Variants in PSMD6 observed in about 807,000 individuals in gnomAD.
PSMD6 encodes 26S proteasome non-ATPase regulatory subunit 6.
PSMD6 carries 7 observed loss-of-function variants against 44.9 expected under a neutral mutation model. That is an observed-to-expected ratio of 0.16 (90% CI 0.09 to 0.29). The LOEUF (loss-of-function observed/expected upper bound fraction) is 0.29, where lower values mean the gene tolerates loss of function less well. PSMD6 is among the 10% of genes least tolerant of loss of function. The probability of loss-of-function intolerance (pLI) is 1.00; values close to 1 mark genes in which losing one functional copy is unlikely to be tolerated. For missense variants in PSMD6, 420 were observed against 482.6 expected, an observed-to-expected ratio of 0.87 and a Z score of 1.21; for synonymous variants, 184 against 172.7, an observed-to-expected ratio of 1.07 and a Z score of -0.51.
upstream of PSMD6, chr3:64,023,495 G>T (rs970485561): frequency 2.0e-6 from 3 of 1,473,546 alleles, no homozygotes; most frequent in African/African-American, 2.9e-5. Context: ...GGGAGGAGTC[G>T]GCGAATACGC....
rs1295121638 is a variant in PSMD6, at chr3:64,018,618, A to G, written c.807T>C (p.Ser269=). 1.3e-6 allele frequency: 2 copies of G among 1,575,356 alleles called. No homozygotes were observed. The highest frequency in any genetic ancestry group is 1.7e-5 in the Admixed American group (1 of 59,832). ...YLFSLYECRY[S]VFFQSLAVVE... ...CCTTACCTAATGATTGGAAGAAAACAGAGTAACGGCATTCATAGAGTGAAA... is the reference window on the plus strand; with the variant it reads ...CCTTACCTAATGATTGGAAGAAAACGGAGTAACGGCATTCATAGAGTGAAA... Residue 269 remains serine (S), a synonymous_variant, in exon 5 of 8, where the codon TCT becomes TCC. Transcript: ENST00000295901.
At chr3:64,018,473 T>C (rs878874070) in intron 5 of PSMD6, 126 bp downstream of exon 5, 1 of 695,034 alleles carries the variant, frequency 1.4e-6, no homozygotes, top group Non-Finnish European at 2.4e-6. Flanking sequence ...GGAATACTGA[T>C]CAAAGACATG....
At chr3:64,013,341 T>G in intron 6 of PSMD6, 98 bp downstream of exon 6, 1 of 1,247,366 alleles carries the variant, frequency 8.0e-7, no homozygotes, top group Non-Finnish European at 1.1e-6. Context: ...CCGTTAAGAT[T>G]GAGGGAACCA....
In PSMD6 at chr3:64,019,343, A is replaced by T; in HGVS notation, c.450T>A (p.Phe150Leu). The change falls in exon 3 of 8, where the codon TTT (phenylalanine) becomes TTA (leucine). Residue 150 changes from phenylalanine to leucine, a missense_variant. Phe to Leu is a conservative substitution (Grantham distance 22). Transcript: ENST00000295901. ...GTGTGATGAGATCATTATCCATATA[A>T]AATAAGCCAATCCTAAGGAGATAGA... The part of the protein sequence containing the change: ...IVFYLLRIGL[F>L]YMDNDLITRN... 1 of 1,597,712 alleles carries T rather than the reference A, an allele frequency of 6.3e-7. No homozygotes were observed. Among genetic ancestry groups the T allele is most frequent in the South Asian group, 1.1e-5 (1 of 90,760 alleles).
intron 2 of PSMD6, among the ~76,000 whole-genome samples, chr3:64,020,117 A>G (rs2076106716): frequency 6.6e-6 from 1 of 152,218 alleles, no homozygotes; most frequent in African/African-American, 2.4e-5. Flanking sequence ...TAGAGTGAAA[A>G]TAACAGGTGA....
At chr3:64,012,517 A>G (rs778077000) in intron 6 of PSMD6, 1 of 152,216 alleles carries the variant, frequency 6.6e-6, no homozygotes, top group Non-Finnish European at 1.5e-5. Context: ...CTTGGGCTCT[A>G]AATCTTCCAA....
chr3:64,015,036 T>C (rs1314336230), intron 5 of PSMD6: 1 of 152,074 alleles, frequency 6.6e-6, no homozygotes, highest in Non-Finnish European at 1.5e-5. Flanking sequence ...TCAAGGCAGA[T>C]AAAGATAAGC....
At chr3:64,021,166 A>G (rs1284680320) in intron 2 of PSMD6, among the ~76,000 whole-genome samples, 1 of 152,226 alleles carries the variant, frequency 6.6e-6, no homozygotes, top group East Asian at 1.9e-4. Context: ...AGACATACAT[A>G]AGCATATTTT....
chr3:64,016,620 C>G (rs2076048243), intron 5 of PSMD6: 2 of 152,104 alleles, frequency 1.3e-5, no homozygotes, highest in African/African-American at 4.8e-5. Flanking sequence ...AGAAACAAAT[C>G]AAAATTACAA....
In PSMD6 at chr3:64,010,700, C is replaced by T. The variant is rs748663278; in HGVS notation, c.1138G>A (p.Val380Ile). The change falls in exon 8 of 8, where the codon GTT becomes ATT. Residue 380 changes from valine to isoleucine, a missense_variant. By Grantham distance (29) the Val-to-Ile change is conservative. Around this residue, in one of 4 missense-constraint regions of PSMD6, gnomAD observed 63 missense variants for 112.1 expected, o/e 0.56. Transcript: ENST00000295901. ...IKKGDLLLNR[V>I]QKLSRVINM ...TTAATTACTCTGGAAAGTTTTTGAA[C>T]TCTGTTTAGTAGCAGATCTCCTTTC... The T allele has an allele frequency of 1.4e-5, 22 of 1,608,754 alleles. No individual in the cohort carries two copies. Among genetic ancestry groups the T allele is most frequent in the Non-Finnish European group, 1.8e-5 (21 of 1,175,930 alleles).
intron 5 of PSMD6, chr3:64,016,210 T>TA (rs1232269172): frequency 3.3e-5 from 5 of 151,658 alleles, no homozygotes; most frequent in Non-Finnish European, 7.4e-5. Context: ...AATAAATAAA[T>TA]AAAAGGTCTA....
intron 6 of PSMD6, 54 bp downstream of exon 6, chr3:64,013,385 T>C (rs1324134750): frequency 1.4e-6 from 2 of 1,454,678 alleles, no homozygotes; most frequent in Non-Finnish European, 9.2e-7. Flanking sequence ...CAAGTTCACA[T>C]ATTTTAAAAG....
At chr3:64,020,800 T>C (rs2076116775) in intron 2 of PSMD6, among the ~76,000 whole-genome samples, 1 of 152,214 alleles carries the variant, frequency 6.6e-6, no homozygotes, top group Non-Finnish European at 1.5e-5. Flanking sequence ...TAAATCATAA[T>C]TACCGAGGTT....
intron 7 of PSMD6, 40 bp from the exon 8 acceptor site, chr3:64,010,804 C>CA: frequency 6.3e-7 from 1 of 1,575,516 alleles, no homozygotes; most frequent in Non-Finnish European, 8.7e-7. Flanking sequence ...ATTTACCAGT[C>CA]ACATTATTCC....
At chr3:64,011,174 G>A (rs777268148) in intron 6 of PSMD6, 10 of 407,208 alleles carry the variant, frequency 2.5e-5, no homozygotes, top group Non-Finnish European at 3.5e-5. Context: ...TATTCAGATA[G>A]ATAGAAAGTA....
At chr3:64,017,796 A>T (rs1460078593) in intron 5 of PSMD6, 1 of 152,246 alleles carries the variant, frequency 6.6e-6, no homozygotes, top group East Asian at 1.9e-4. Flanking sequence ...TTTTCTCCAA[A>T]GCTATCTATT....
chr3:64,017,935 A>T (rs2076072928), intron 5 of PSMD6, among the ~76,000 whole-genome samples: 1 of 152,230 alleles, frequency 6.6e-6, no homozygotes, highest in Admixed American at 6.5e-5. Context: ...GTTTGTGGTC[A>T]TTATTAGGAA....
rs1230397875 is a variant in PSMD6 at position 64,022,540 on chromosome 3, G to A, written c.146-17C>T. Reference sequence around the variant, plus strand: ...GAGCCATGTCTAACATGCAAAAAGAGGGATGTGTGAGTGGGGACACTTGTG... The same window carrying A: ...GAGCCATGTCTAACATGCAAAAAGAAGGATGTGTGAGTGGGGACACTTGTG... On this transcript the variant is annotated splice_polypyrimidine_tract_variant and intron_variant, in intron 1 of 7. Coordinates refer to ENST00000295901, the MANE Select transcript of PSMD6 (RefSeq NM_014814.3). 3 of 1,612,904 alleles carry A rather than the reference G, an allele frequency of 1.9e-6. No homozygotes were observed. The highest frequency in any genetic ancestry group is 2.2e-5 in the East Asian group (1 of 44,870).
intron 3 of PSMD6, 44 bp downstream of exon 3, chr3:64,019,252 G>T: frequency 6.5e-7 from 1 of 1,528,976 alleles, no homozygotes; most frequent in Non-Finnish European, 9.0e-7. Context: ...CTCATTTGTA[G>T]CATCATAATT....
Sources: gnomAD v4.1 joint callset for allele counts (sites outside exome capture counted in the v4.1 genomes callset) on GRCh38, gnomAD v4.1.1 for gene constraint, gnomAD v4.1.1 regional missense constraint, MANE v1.5 for transcripts, NCBI Gene and HGNC (gene_info 2026-07-23, HGNC 2026-07-21) for gene names.